The following SNTG1 variants were observed in gnomAD, a reference collection of about 807,000 sequenced individuals.
SNTG1 encodes the protein syntrophin gamma 1.
In SNTG1, 39 loss-of-function variants were observed where a neutral mutation model predicts 74.7. The observed-to-expected ratio is 0.52, with a 90% confidence interval of 0.40 to 0.68. SNTG1 has a LOEUF of 0.68. Ranked by LOEUF, SNTG1 falls within the 30% of genes least tolerant of loss-of-function variation. The pLI is 0.00. For missense variants in SNTG1, 685 were observed against 609.5 expected (o/e 1.12, Z -1.30); for synonymous variants, 254 against 217.1 (o/e 1.17, Z -1.49).
chr8:50,203,396 T>C (rs577796059), intron 2 of SNTG1, among the ~76,000 whole-genome samples: 8 of 152,236 alleles, frequency 5.3e-5, no homozygotes, highest in African/African-American at 1.7e-4. Context: ...AGATTTCAGG[T>C]GACAGTTTGG....
intron 1 of SNTG1, among the ~76,000 whole-genome samples, chr8:50,020,380 T>A (rs1816712404): frequency 6.6e-6 from 1 of 152,184 alleles, no homozygotes; most frequent in South Asian, 2.1e-4. Flanking sequence ...GCCAGGCTGC[T>A]ATTCATCTCT....
At chr8:50,743,696 G>T (rs578217294) in intron 17 of SNTG1, among the ~76,000 whole-genome samples, 97 of 151,220 alleles carry the variant, frequency 6.4e-4, no homozygotes, top group African/African-American at 2.2e-3. Context: ...AATTATCTCT[G>T]CTCACAGATG....
At chr8:49,955,939 GTA>G (rs1306814210) in intron 1 of SNTG1, among the ~76,000 whole-genome samples, 1 of 152,156 alleles carries the variant, frequency 6.6e-6, no homozygotes, top group Non-Finnish European at 1.5e-5. Flanking sequence ...TAGGACCCAA[GTA>G]TGTCATCTCA....
intron 1 of SNTG1, among the ~76,000 whole-genome samples, chr8:49,936,231 C>A (rs1400909612): frequency 6.6e-6 from 1 of 152,010 alleles, no homozygotes; most frequent in Admixed American, 6.6e-5. Flanking sequence ...GCTGACTTAA[C>A]GCCTTTTAAA....
At chr8:50,750,899 C>T (rs1175792642) in intron 17 of SNTG1, among the ~76,000 whole-genome samples, 1 of 151,734 alleles carries the variant, frequency 6.6e-6, no homozygotes, top group Non-Finnish European at 1.5e-5. Context: ...CTGAGGTATG[C>T]CTGTATATAC....
chr8:50,463,865 T>G (rs138075724), intron 8 of SNTG1, among the ~76,000 whole-genome samples: 173 of 152,300 alleles, frequency 1.1e-3, no homozygotes, highest in African/African-American at 4.0e-3. Flanking sequence ...CAGAAGGCTA[T>G]TTTGTCTACA....
In SNTG1 at chr8:50,553,113, T is replaced by C; in HGVS notation, c.744T>C (p.Ser248=). The part of the protein sequence containing the change: ...GVCTGIIQCL[S]AEDCVDWLQA... Reference sequence around the variant, plus strand: ...GCACTGGGATTATTCAGTGCCTCTCTGCTGAAGACTGCGTTGACTGGCTAC... The same window carrying C: ...GCACTGGGATTATTCAGTGCCTCTCCGCTGAAGACTGCGTTGACTGGCTAC... The change falls in exon 12 of 19, where the codon TCT becomes TCC. Residue 248 remains serine (S), a synonymous_variant. Coordinates refer to ENST00000642720, the MANE Select transcript of SNTG1 (RefSeq NM_018967.5). The C allele has an allele frequency of 6.2e-7, 1 of 1,613,986 alleles. No homozygotes were observed.
chr8:50,650,761 T>C (rs763419281), intron 13 of SNTG1, among the ~76,000 whole-genome samples: 3 of 152,142 alleles, frequency 2.0e-5, no homozygotes, highest in Non-Finnish European at 2.9e-5. Context: ...ATTGCAGTGG[T>C]GCCATCTCAG....
intron 2 of SNTG1, among the ~76,000 whole-genome samples, chr8:50,249,767 C>A (rs542241393): frequency 6.6e-6 from 1 of 152,064 alleles, no homozygotes; most frequent in Non-Finnish European, 1.5e-5. Context: ...TCACCCAGAA[C>A]CAAAGCCAAT....
At chr8:50,792,626 A>T (rs1193661965) in intron 18 of SNTG1, 45 bp from the exon 19 acceptor site, 1 of 1,533,414 alleles carries the variant, frequency 6.5e-7, no homozygotes, top group South Asian at 1.3e-5. Flanking sequence ...ATTTTTAAAG[A>T]CATTAATTTT....
chr8:50,793,034 AGCTTGTTCTC>A lies in SNTG1; in HGVS notation c.*206_*215del. 1 of 411,320 alleles carries A rather than the reference AGCTTGTTCTC, an allele frequency of 2.4e-6. No individual in the cohort carries two copies. 25.5% of individuals were successfully genotyped at this position (411,320 alleles called of 1,614,324 possible). A position where few individuals can be genotyped will look rare whatever the true frequency, so the allele number is the denominator to read the frequency against. ...GTGAAATATACTACATGAACAGAAC[AGCTTGTTCTC>A]ACTCAGTTGCTTTGTACCAGTAAGT... On this transcript the variant is annotated 3_prime_UTR_variant, in exon 19 of 19. Coordinates refer to ENST00000642720, the MANE Select transcript of SNTG1 (RefSeq NM_018967.5).
chr8:50,369,770 C>T (rs770128955), intron 2 of SNTG1, among the ~76,000 whole-genome samples: 4 of 152,106 alleles, frequency 2.6e-5, no homozygotes, highest in Non-Finnish European at 5.9e-5. Flanking sequence ...GTGAGTGATA[C>T]ATTTTTGTTG....
chr8:50,249,474 T>C (rs1672065033), intron 2 of SNTG1, among the ~76,000 whole-genome samples: 1 of 152,180 alleles, frequency 6.6e-6, no homozygotes, highest in Non-Finnish European at 1.5e-5. Flanking sequence ...GACAGCTTCC[T>C]AGAGGTAAAC....
intron 1 of SNTG1, among the ~76,000 whole-genome samples, chr8:49,964,430 C>G (rs755777180): frequency 1.3e-5 from 2 of 152,228 alleles, no homozygotes; most frequent in African/African-American, 2.4e-5. Flanking sequence ...CAATGTTTCT[C>G]TAGTTCTCTC....
At chr8:50,041,882 G>A (rs1394318057) in intron 1 of SNTG1, among the ~76,000 whole-genome samples, 4 of 152,116 alleles carry the variant, frequency 2.6e-5, no homozygotes, top group Admixed American at 6.5e-5. Context: ...TCCTAGCAGA[G>A]GTGGCTACAA....
At chr8:50,233,168 G>A (rs1010871968) in intron 2 of SNTG1, among the ~76,000 whole-genome samples, 2 of 151,574 alleles carry the variant, frequency 1.3e-5, no homozygotes, top group African/African-American at 4.8e-5. Context: ...CAAGATAACA[G>A]TACACAGTTA....
chr8:50,665,076 A>AAT (rs2095244151), intron 15 of SNTG1, among the ~76,000 whole-genome samples: 1 of 152,184 alleles, frequency 6.6e-6, no homozygotes, highest in Non-Finnish European at 1.5e-5. Context: ...TGGTATTACA[A>AAT]ATAAGTTTAC....
intron 1 of SNTG1, among the ~76,000 whole-genome samples, chr8:50,120,986 G>A (rs777737479): frequency 1.4e-5 from 2 of 141,638 alleles, no homozygotes; most frequent in Non-Finnish European, 3.1e-5. Context: ...AGGAAACACT[G>A]AGCTGCTTTT....
chr8:50,695,240 A>T (rs2095400074), intron 15 of SNTG1, among the ~76,000 whole-genome samples: 1 of 152,002 alleles, frequency 6.6e-6, no homozygotes, highest in African/African-American at 2.4e-5. Flanking sequence ...AAAAATAGAA[A>T]CAAATTTAGG....
Sources: allele counts gnomAD v4.1 joint callset (sites outside exome capture counted in the v4.1 genomes callset), GRCh38; gene constraint gnomAD v4.1.1; transcripts MANE v1.5; gene names NCBI Gene and HGNC (gene_info 2026-07-23, HGNC 2026-07-21).